The following GTF2H2C variants were observed in gnomAD, a reference collection of about 807,000 sequenced individuals.
GTF2H2C encodes general transcription factor IIH subunit 2-like protein.
In GTF2H2C, 5 loss-of-function variants were observed where a neutral mutation model predicts 24.8. The ratio of observed to expected loss-of-function variants is 0.20; its 90% CI spans 0.11 to 0.42. GTF2H2C has a LOEUF of 0.42. GTF2H2C is among the 20% of genes least tolerant of loss of function. GTF2H2C has a pLI of 1.00. For missense variants in GTF2H2C, 45 were observed against 169.8 expected, an observed-to-expected ratio of 0.27 and a Z score of 4.08; for synonymous variants, 14 against 52.6, an observed-to-expected ratio of 0.27 and a Z score of 3.18.
At chr5:69,573,075 A>G (rs1029289762) in intron 9 of GTF2H2C, among the ~76,000 whole-genome samples, 2 of 144,566 alleles carry the variant, frequency 1.4e-5, no homozygotes, top group Admixed American at 1.4e-4. Context: ...AATTTATTAT[A>G]CATATATATA....
chr5:69,573,493 T>C (rs1404613582), intron 9 of GTF2H2C, among the ~76,000 whole-genome samples: 2 of 43,844 alleles, frequency 4.6e-5, no homozygotes, highest in South Asian at 8.0e-4. Context: ...CTCAGACTTA[T>C]ACCTTTATAT....
intron 9 of GTF2H2C, among the ~76,000 whole-genome samples, chr5:69,573,145 TACACACACACAC>T (rs779761105): frequency 2.6e-4 from 30 of 117,450 alleles, no homozygotes; most frequent in East Asian, 7.4e-4. Context: ...CTATTATATA[TACACACACACAC>T]ACACACACAC....
chr5:69,562,401 G>C (rs1213810303), intron 1 of GTF2H2C, among the ~76,000 whole-genome samples: 1 of 151,916 alleles, frequency 6.6e-6, no homozygotes, highest in African/African-American at 2.4e-5. Flanking sequence ...CAAGTCAGGC[G>C]AAACCCTGGC....
At chr5:69,573,183 C>CACACACAT (rs1160716153) in intron 9 of GTF2H2C, among the ~76,000 whole-genome samples, 2 of 140,686 alleles carry the variant, frequency 1.4e-5, no homozygotes, top group Non-Finnish European at 3.1e-5. Context: ...CACACACACA[C>CACACACAT]GTATATATAT....
chr5:69,563,777 A>C (rs1481445126), intron 2 of GTF2H2C, among the ~76,000 whole-genome samples: 1 of 151,992 alleles, frequency 6.6e-6, no homozygotes, highest in Non-Finnish European at 1.5e-5. Context: ...CTCGTAAATG[A>C]GAACATGCCG....
At chr5:69,563,599 T>G (rs1348220316) in intron 2 of GTF2H2C, among the ~76,000 whole-genome samples, 2 of 152,022 alleles carry the variant, frequency 1.3e-5, no homozygotes, top group Non-Finnish European at 2.9e-5. Context: ...GATAAATTGC[T>G]TGTTGTTGAG....
rs530944381 is a variant in GTF2H2C at position 69,565,006 on chromosome 5, T to G, written c.-33-94T>G. 22 of 1,089,666 alleles carry G rather than the reference T, an allele frequency of 2.0e-5. No individual in the cohort carries two copies. In the South Asian group the frequency reaches 3.4e-4, roughly 17 times the overall value. The allele number at this position is 1,089,666 out of a possible 1,614,324, so 67.5% of individuals were successfully genotyped here. A position where few individuals can be genotyped will look rare whatever the true frequency, so the allele number is the denominator to read the frequency against. On this transcript the variant is annotated intron_variant, in intron 2 of 16. Transcript: ENST00000380729. ...ATAAGATGACCTGGCATTCCATTTT[T>G]TTTACTTTATATATGTGTCTAATTT...
chr5:69,566,284 A>G, intron 4 of GTF2H2C, 76 bp downstream of exon 4: 1 of 1,517,496 alleles, frequency 6.6e-7, no homozygotes, highest in South Asian at 1.2e-5. Flanking sequence ...AATACTCCTC[A>G]GTACTTCATT....
In GTF2H2C at chr5:69,593,938, G is replaced by GAAAAAAAAAAAAAAAAAAAAAAAAAAA. The variant is rs1174187959; in HGVS notation, c.*1766_*1767insAAAAAAAAAAAAAAAAAAAAAAAAAAA. On this transcript the variant is annotated 3_prime_UTR_variant, in exon 17 of 17. Coordinates refer to ENST00000380729, the MANE Select transcript of GTF2H2C (RefSeq NM_001376000.2). Reference sequence around the variant, plus strand: ...GCGACAGAGCTAGACTCTGTCTCAAGAAAAAAAAAAAAAAAAAAAAAAAAA... The same window carrying GAAAAAAAAAAAAAAAAAAAAAAAAAAA: ...GCGACAGAGCTAGACTCTGTCTCAAGAAAAAAAAAAAAAAAAAAAAAAAAAAAAAAAAAAAAAAAAAAAAAAAAAAAA... Among the ~76,000 whole-genome samples, 1 of 41,768 alleles carries GAAAAAAAAAAAAAAAAAAAAAAAAAAA rather than the reference G, an allele frequency of 2.4e-5. No individual in the cohort carries two copies. Among genetic ancestry groups the GAAAAAAAAAAAAAAAAAAAAAAAAAAA allele is most frequent in the African/African-American group, 1.1e-4 (1 of 9,470 alleles). The allele number at this position is 41,768 out of a possible 152,430, so 27.4% of individuals were successfully genotyped here. A position where few individuals can be genotyped will look rare whatever the true frequency, so the allele number is the denominator to read the frequency against.
chr5:69,566,226 G>A lies in GTF2H2C; in HGVS notation c.134+18G>A, dbSNP rs1401613728. ...AGAAAAAGGTATGTAACCTTCCTAC[G>A]TATCTTAAAAAGGTAAAATATATTC... On this transcript the variant is annotated intron_variant, in intron 4 of 16. Coordinates refer to ENST00000380729, the MANE Select transcript of GTF2H2C (RefSeq NM_001376000.2). 11 of 1,610,208 alleles carry A rather than the reference G, an allele frequency of 6.8e-6. No homozygotes were observed. Among genetic ancestry groups the A allele is most frequent in the South Asian group, 4.4e-5 (4 of 90,782 alleles).
At chr5:69,568,455 T>G (rs959522472) in intron 8 of GTF2H2C, 4 of 455,404 alleles carry the variant, frequency 8.8e-6, no homozygotes, top group African/African-American at 2.1e-5. Context: ...TTATTTAAAT[T>G]CTATATGTGC....
intron 8 of GTF2H2C, chr5:69,568,429 T>TCATAG: frequency 4.0e-6 from 2 of 505,462 alleles, no homozygotes; most frequent in Non-Finnish European, 7.0e-6. Context: ...TAATACTACA[T>TCATAG]TGAATATAAA....
intron 2 of GTF2H2C, among the ~76,000 whole-genome samples, chr5:69,563,525 T>G (rs968112799): frequency 5.4e-5 from 7 of 130,208 alleles, no homozygotes; most frequent in African/African-American, 3.3e-4. Flanking sequence ...TGGCCTGTGT[T>G]TGTTTGTTTT....
At chr5:69,561,900 G>C (rs1248540661) in intron 1 of GTF2H2C, among the ~76,000 whole-genome samples, 2 of 152,034 alleles carry the variant, frequency 1.3e-5, no homozygotes, top group Non-Finnish European at 2.9e-5. Flanking sequence ...CTCTCAAAGT[G>C]CTGGGATTAC....
In GTF2H2C at chr5:69,560,346, G is replaced by A. The variant is rs1027139670; in HGVS notation, c.-189G>A. ...CGTGGCGGGGAACGGAGGTTGAATT[G>A]CCCTGCCTGGGCTCATAGGGAAGGA... is the stretch of plus-strand genomic sequence containing the variant. On this transcript the variant is annotated 5_prime_UTR_variant, in exon 1 of 17. Transcript: ENST00000380729. 4 of 150,828 alleles carry A rather than the reference G, an allele frequency of 2.7e-5. No homozygotes were observed. Among genetic ancestry groups the A allele is most frequent in the Non-Finnish European group, 5.9e-5 (4 of 67,656 alleles). The allele number at this position is 150,828 out of a possible 1,614,324, so 9.3% of individuals were successfully genotyped here. A position where few individuals can be genotyped will look rare whatever the true frequency, so the allele number is the denominator to read the frequency against.
chr5:69,561,249 C>G (rs1770317366), intron 1 of GTF2H2C, among the ~76,000 whole-genome samples: 1 of 151,364 alleles, frequency 6.6e-6, no homozygotes, highest in South Asian at 2.1e-4. Context: ...GCAGGCAGCT[C>G]TAATTAAGAA....
At chr5:69,562,369 C>T (rs1436048190) in intron 1 of GTF2H2C, among the ~76,000 whole-genome samples, 1 of 151,980 alleles carries the variant, frequency 6.6e-6, no homozygotes, top group Non-Finnish European at 1.5e-5. Flanking sequence ...CACTTGAGGT[C>T]AGGAGTTTGA....
At chr5:69,575,703 AT>A (rs1771319095) in intron 9 of GTF2H2C, among the ~76,000 whole-genome samples, 1 of 48,294 alleles carries the variant, frequency 2.1e-5, no homozygotes, top group Non-Finnish European at 3.5e-5. Context: ...CCGTCTCAAA[AT>A]AAAAAAAAAA....
chr5:69,593,702 C>T lies in GTF2H2C; in HGVS notation c.*1504C>T, dbSNP rs1200961011. 5.2e-5 allele frequency: 1 copy of T among 19,406 alleles called. No individual in the cohort carries two copies. 1.2% of individuals were successfully genotyped at this position (19,406 alleles called of 1,614,324 possible). On this transcript the variant is annotated 3_prime_UTR_variant, in exon 17 of 17. Transcript: ENST00000380729. Reference sequence around the variant, plus strand: ...CTGTAATCCTAGCACTTTGGGAGGCCGAGGCGGGCAGATCACGAGGTCAGG... The same window carrying T: ...CTGTAATCCTAGCACTTTGGGAGGCTGAGGCGGGCAGATCACGAGGTCAGG...
Sources: gnomAD v4.1 joint callset for allele counts (sites outside exome capture counted in the v4.1 genomes callset) on GRCh38, gnomAD v4.1.1 for gene constraint, MANE v1.5 for transcripts, NCBI Gene and HGNC (gene_info 2026-07-23, HGNC 2026-07-21) for gene names.